NFATC3: variants seen among roughly 807,000 people sequenced by gnomAD.
NFATC3 encodes nuclear factor of activated T-cells, cytoplasmic 3.
NFATC3 carries 46 observed loss-of-function variants against 98.6 expected under a neutral mutation model. The observed-to-expected ratio is 0.47, with a 90% CI of 0.37 to 0.60. NFATC3 has a LOEUF of 0.60. Among genes scored for constraint, NFATC3 ranks in the 20% least tolerant of loss-of-function variants. NFATC3 has a pLI of 0.00. For synonymous variants in NFATC3, 512 were observed against 472.2 expected, an observed-to-expected ratio of 1.08 and a Z score of -1.09; for missense variants, 1,256 against 1,295.5, an observed-to-expected ratio of 0.97 and a Z score of 0.47.
chr16:68,121,091 CAA>C (rs528510702), intron 1 of NFATC3, among the ~76,000 whole-genome samples: 1 of 140,092 alleles, frequency 7.1e-6, no homozygotes. Flanking sequence ...GTAAATGGGC[CAA>C]AAAAAAAAAA....
chr16:68,168,537 G>A (rs1204819037), intron 5 of NFATC3, among the ~76,000 whole-genome samples: 1 of 151,354 alleles, frequency 6.6e-6, no homozygotes, highest in African/African-American at 2.4e-5. Flanking sequence ...CCAGGCTCGA[G>A]TGCAATGGCA....
chr16:68,165,602 GC>G (rs2151593346), intron 4 of NFATC3, among the ~76,000 whole-genome samples: 1 of 152,084 alleles, frequency 6.6e-6, no homozygotes, highest in African/African-American at 2.4e-5. Context: ...CACTGTGTTG[GC>G]TAGGCTGGTC....
intron 1 of NFATC3, among the ~76,000 whole-genome samples, chr16:68,097,921 G>A (rs977376609): frequency 2.0e-5 from 3 of 152,084 alleles, no homozygotes; most frequent in Non-Finnish European, 4.4e-5. Context: ...GAACTCACTA[G>A]AACATTTATA....
chr16:68,156,325 A>T (rs1306170978), intron 3 of NFATC3, among the ~76,000 whole-genome samples: 1 of 152,084 alleles, frequency 6.6e-6, no homozygotes, highest in East Asian at 1.9e-4. Context: ...CAAAAACAAC[A>T]ACAACAACAA....
intron 1 of NFATC3, among the ~76,000 whole-genome samples, chr16:68,102,323 G>A (rs922768215): frequency 2.4e-5 from 3 of 125,562 alleles, no homozygotes; most frequent in Non-Finnish European, 4.8e-5. Flanking sequence ...AGTGAGCCGA[G>A]ATTGCACTAC....
At chr16:68,164,285 G>T (rs868659619) in intron 4 of NFATC3, among the ~76,000 whole-genome samples, 2 of 152,202 alleles carry the variant, frequency 1.3e-5, no homozygotes, top group Non-Finnish European at 2.9e-5. Flanking sequence ...GCCTGCAATC[G>T]CAGGCTGAGG....
chr16:68,164,247 C>T (rs553196416), intron 4 of NFATC3, among the ~76,000 whole-genome samples: 17 of 152,306 alleles, frequency 1.1e-4, no homozygotes, highest in African/African-American at 2.9e-4. Flanking sequence ...CAAAAAAATA[C>T]GAAAACCAGT....
chr16:68,191,617 A>G lies in NFATC3; in HGVS notation c.2948A>G (p.Gln983Arg), dbSNP rs545945545. ...TCAACTCAAGCACAAAGTACGGGCC[A>G]GGGGGGTCTTTCTGCACCTTCATCC... ...QHSTQAQSTGQGGLSAPSSLI... is the reference protein window; with the variant it reads ...QHSTQAQSTGRGGLSAPSSLI... Residue 983 changes from glutamine to arginine, a missense_variant, in exon 9 of 10, where the codon CAG (glutamine) becomes CGG (arginine). Coordinates refer to ENST00000346183, the MANE Select transcript of NFATC3 (RefSeq NM_173165.3). 1.2e-6 allele frequency: 2 copies of G among 1,614,124 alleles called. No individual in the cohort carries two copies. Among genetic ancestry groups the G allele is most frequent in the African/African-American group, 1.3e-5 (1 of 75,032 alleles).
chr16:68,091,057 A>G lies in NFATC3; in HGVS notation c.103+5273A>G, dbSNP rs115976364. Among the ~76,000 whole-genome samples, 1,047 of 152,274 alleles carry G rather than the reference A, an allele frequency of 6.9e-3. 17 individuals are homozygous for G. Among genetic ancestry groups the G allele is most frequent in the African/African-American group, 0.023 (975 of 41,554 alleles). ...GGGGAAAAATCGAGGAAAAATTTCAATGTCATGTTTTTGTTAAAAACATTC... is the reference window on the plus strand; with the variant it reads ...GGGGAAAAATCGAGGAAAAATTTCAGTGTCATGTTTTTGTTAAAAACATTC... On this transcript the variant is annotated intron_variant, in intron 1 of 9. Transcript: ENST00000346183.
intron 2 of NFATC3, among the ~76,000 whole-genome samples, chr16:68,124,448 T>A (rs1329424429): frequency 3.8e-5 from 4 of 105,130 alleles, no homozygotes; most frequent in Admixed American, 2.0e-4. Flanking sequence ...TTTTTTTTTT[T>A]AAGAGATGGA....
intron 1 of NFATC3, among the ~76,000 whole-genome samples, chr16:68,110,448 A>G (rs1312237972): frequency 1.3e-5 from 2 of 151,366 alleles, no homozygotes; most frequent in African/African-American, 4.9e-5. Context: ...AGCTGGGACT[A>G]CAGGTGCCCA....
intron 9 of NFATC3, among the ~76,000 whole-genome samples, chr16:68,205,939 C>G (rs2041128336): frequency 6.6e-6 from 1 of 151,534 alleles, no homozygotes; most frequent in Non-Finnish European, 1.5e-5. Flanking sequence ...GCTCTACTGC[C>G]CAGGCTGGAG....
At chr16:68,131,347 G>A (rs2037103643) in intron 3 of NFATC3, among the ~76,000 whole-genome samples, 1 of 152,020 alleles carries the variant, frequency 6.6e-6, no homozygotes, top group Admixed American at 6.6e-5. Flanking sequence ...GTGTGATATT[G>A]GCTCACTGCA....
chr16:68,124,182 G>A (rs1022724875), intron 2 of NFATC3, among the ~76,000 whole-genome samples: 1 of 151,928 alleles, frequency 6.6e-6, no homozygotes, highest in African/African-American at 2.4e-5. Context: ...GCTCACTGCA[G>A]GTTCGACCTC....
chr16:68,200,700 T>C (rs2040876170), intron 9 of NFATC3: 3 of 152,176 alleles, frequency 2.0e-5, no homozygotes, highest in Non-Finnish European at 4.4e-5. Context: ...TTGCTTCTTG[T>C]CTTTATATTT....
chr16:68,172,448 A>G (rs2039509089), intron 5 of NFATC3, among the ~76,000 whole-genome samples: 4 of 152,190 alleles, frequency 2.6e-5, no homozygotes, highest in Admixed American at 2.6e-4. Context: ...AAACCTAGGT[A>G]TCTAGGTATT....
At chr16:68,147,342 A>T (rs1024291511) in intron 3 of NFATC3, among the ~76,000 whole-genome samples, 1 of 152,120 alleles carries the variant, frequency 6.6e-6, no homozygotes, top group Non-Finnish European at 1.5e-5. Flanking sequence ...AATGCCTATA[A>T]TTTTTTTGTT....
intron 3 of NFATC3, among the ~76,000 whole-genome samples, chr16:68,127,042 G>A (rs898096281): frequency 6.6e-6 from 1 of 151,942 alleles, no homozygotes; most frequent in African/African-American, 2.4e-5. Context: ...GTGAAATCCC[G>A]TCTCTACTAA....
chr16:68,212,714 C>T (rs2041459489), intron 9 of NFATC3: 1 of 151,600 alleles, frequency 6.6e-6, no homozygotes, highest in Non-Finnish European at 1.5e-5. Flanking sequence ...GTTAAAGTCT[C>T]ACAAACCAAT....
Sources: allele counts gnomAD v4.1 joint callset (sites outside exome capture counted in the v4.1 genomes callset), GRCh38; gene constraint gnomAD v4.1.1; transcripts MANE v1.5; gene names NCBI Gene and HGNC (gene_info 2026-07-23, HGNC 2026-07-21).